Variants in ELK3 observed in about 807,000 individuals in gnomAD.
ELK3 encodes the protein ETS transcription factor ELK3, also known as ETS domain-containing protein Elk-3.
In ELK3, 10 loss-of-function variants were observed where a neutral mutation model predicts 28.9. The ratio of observed to expected loss-of-function variants is 0.35; its 90% CI spans 0.21 to 0.59. The LOEUF is 0.59. Among genes scored for constraint, ELK3 ranks in the 20% least tolerant of loss-of-function variants. ELK3 has a pLI of 0.82. For missense variants in ELK3, 463 were observed against 517.3 expected (o/e 0.90, Z 1.02); for synonymous variants, 272 against 243.5 (o/e 1.12, Z -1.09).
intron 4 of ELK3, among the ~76,000 whole-genome samples, chr12:96,262,782 T>G (rs971856687): frequency 6.6e-6 from 1 of 152,126 alleles, no homozygotes; most frequent in Non-Finnish European, 1.5e-5. Flanking sequence ...AGAATTCAGA[T>G]TACTATCAGC....
chr12:96,257,419 T>C (rs1435950933), intron 3 of ELK3, among the ~76,000 whole-genome samples: 1 of 152,252 alleles, frequency 6.6e-6, no homozygotes, highest in Non-Finnish European at 1.5e-5. Context: ...GAGTACATCC[T>C]GTATTCCTAA....
At chr12:96,245,316 T>C (rs983248833) in intron 2 of ELK3, among the ~76,000 whole-genome samples, 6 of 152,214 alleles carry the variant, frequency 3.9e-5, no homozygotes, top group African/African-American at 1.4e-4. Flanking sequence ...TGGGGGATCT[T>C]TGATTTCTCT....
At chr12:96,263,037 A>C (rs1313884376) in intron 4 of ELK3, among the ~76,000 whole-genome samples, 1 of 152,168 alleles carries the variant, frequency 6.6e-6, no homozygotes, top group East Asian at 1.9e-4. Context: ...ATGAAGGAAG[A>C]AAAAAATAGA....
intron 2 of ELK3, among the ~76,000 whole-genome samples, chr12:96,232,529 T>A (rs1342293460): frequency 6.8e-6 from 1 of 148,080 alleles, no homozygotes; most frequent in Non-Finnish European, 1.5e-5. Context: ...CGAGATCACA[T>A]CACTGCACTG....
At chr12:96,196,073 C>T (rs1372609522) in intron 1 of ELK3, among the ~76,000 whole-genome samples, 3 of 152,138 alleles carry the variant, frequency 2.0e-5, no homozygotes, top group Non-Finnish European at 4.4e-5. Context: ...CTGGCTGCTG[C>T]AGGAAGAGAG....
At chr12:96,241,333 A>T (rs1187733577) in intron 2 of ELK3, among the ~76,000 whole-genome samples, 1 of 152,126 alleles carries the variant, frequency 6.6e-6, no homozygotes, top group Non-Finnish European at 1.5e-5. Flanking sequence ...TGCTTTTTTT[A>T]AATTACAAAA....
At chr12:96,212,764 T>C (rs1951586219) in intron 1 of ELK3, 1 of 152,160 alleles carries the variant, frequency 6.6e-6, no homozygotes, top group Non-Finnish European at 1.5e-5. Flanking sequence ...GAAGACTGCA[T>C]AGTGCACACT....
intron 1 of ELK3, chr12:96,222,959 C>G (rs1592677101): frequency 2.6e-5 from 4 of 154,252 alleles, no homozygotes; most frequent in Admixed American, 1.9e-4. Context: ...AGCAAGAAAG[C>G]GAGGGTCAAG....
In ELK3 at chr12:96,221,983, C is replaced by T. The variant is rs7977265; in HGVS notation, c.-2-1582C>T. Among the ~76,000 whole-genome samples, 459 of 152,166 alleles carry T rather than the reference C, an allele frequency of 3.0e-3. 5 individuals are homozygous for T. The highest frequency in any genetic ancestry group is 0.011 in the African/African-American group (446 of 41,502). ...TCTCCCAGAGCTGCCCCCTGGGTTG[C>T]GGTCACTCCAGGTTCAGTCCCCTGC... On this transcript the variant is annotated intron_variant, in intron 1 of 4. Coordinates refer to ENST00000228741, the MANE Select transcript of ELK3 (RefSeq NM_005230.4).
At chr12:96,232,485 T>G (rs1951748955) in intron 2 of ELK3, among the ~76,000 whole-genome samples, 1 of 148,986 alleles carries the variant, frequency 6.7e-6, no homozygotes, top group African/African-American at 2.5e-5. Flanking sequence ...GCAGGAGAAT[T>G]GCTTGAACCT....
chr12:96,223,888 G>C, intron 2 of ELK3, 115 bp downstream of exon 2: 1 of 1,071,138 alleles, frequency 9.3e-7, no homozygotes, highest in Non-Finnish European at 1.4e-6. Context: ...AATAAAATAG[G>C]GGCAGTGCAT....
Position 96,247,063 on chromosome 12 carries a change from G to C in ELK3, c.331G>C (p.Asp111His), listed in dbSNP as rs371589438. The C allele has an allele frequency of 6.2e-7, 1 of 1,614,060 alleles. No individual in the cohort carries two copies. Among genetic ancestry groups the C allele is most frequent in the Admixed American group, 1.7e-5 (1 of 60,024 alleles). The change falls in exon 3 of 5, where the codon GAC becomes CAC. Residue 111 changes from aspartate to histidine, a missense_variant. Asp to His is a moderately conservative substitution (Grantham distance 81). Coordinates refer to ENST00000228741, the MANE Select transcript of ELK3 (RefSeq NM_005230.4). This position sits in a 1 kb window ranked among gnomAD's most constrained non-coding sequence, Gnocchi z 5.5. ...GGAGAGCCTTCTGCTGCAGGACAGC[G>C]ACTGCAAGGCGTCTCCGGAGGGCCG... ...SRESLLLQDS[D>H]CKASPEGREA...
chr12:96,208,950 C>T lies in ELK3; in HGVS notation c.-3+14245C>T, dbSNP rs184167582. Among the ~76,000 whole-genome samples the T allele has an allele frequency of 2.9e-3, 443 of 152,310 alleles. 10 individuals are homozygous for T. Among genetic ancestry groups the T allele is most frequent in the Admixed American group, 0.026 (399 of 15,302 alleles). ...ATTGCTGCATCAGGACTGGGGTGCC[C>T]AGCACAGCTGTGCAGACTTCCCGGT... On this transcript the variant is annotated intron_variant, in intron 1 of 4. Transcript: ENST00000228741.
intron 1 of ELK3, among the ~76,000 whole-genome samples, chr12:96,214,662 A>G (rs1189931106): frequency 1.3e-5 from 2 of 152,220 alleles, no homozygotes; most frequent in Non-Finnish European, 1.5e-5. Flanking sequence ...AATAATTTAA[A>G]TGTCCTTTGA....
rs1951911893 is a variant in ELK3 at position 96,252,104 on chromosome 12, A to G, written c.1002+4370A>G. Among the ~76,000 whole-genome samples the G allele has an allele frequency of 2.0e-5, 3 of 152,366 alleles. No homozygotes were observed. The South Asian group carries it at 6.2e-4, about 32-fold the overall frequency. Reference sequence around the variant, plus strand: ...ACTTTAAGTTGAAGCCAGTGCTACTAAATACACTCTGCCTGTGCTCTGTAA... The same window carrying G: ...ACTTTAAGTTGAAGCCAGTGCTACTGAATACACTCTGCCTGTGCTCTGTAA... On this transcript the variant is annotated intron_variant, in intron 3 of 4. Transcript: ENST00000228741.
chr12:96,250,737 G>C (rs1420425535), intron 3 of ELK3, among the ~76,000 whole-genome samples: 1 of 152,204 alleles, frequency 6.6e-6, no homozygotes, highest in Non-Finnish European at 1.5e-5. Context: ...GGGGTGTGCT[G>C]TGTGCAGTGT....
rs551200472 is a variant in ELK3, at chr12:96,250,548, G to T, written c.1002+2814G>T. Among the ~76,000 whole-genome samples the T allele has an allele frequency of 3.9e-5, 6 of 152,332 alleles. No homozygotes were observed. In the South Asian group the frequency reaches 1.2e-3, roughly 32 times the overall value. On this transcript the variant is annotated intron_variant, in intron 3 of 4. Transcript: ENST00000228741. ...ACCAGCTCAGTAGTTTGTCTTCCAG[G>T]TGACAGCCAGAAACAGCGTGGCTCT...
intron 2 of ELK3, among the ~76,000 whole-genome samples, chr12:96,242,223 G>T (rs1032346915): frequency 8.1e-4 from 124 of 152,314 alleles, no homozygotes; most frequent in African/African-American, 3.0e-3. Context: ...GCCTAAGTTG[G>T]CCTGAATCTT....
At chr12:96,236,579 T>A (rs1026219373) in intron 2 of ELK3, among the ~76,000 whole-genome samples, 3 of 152,026 alleles carry the variant, frequency 2.0e-5, no homozygotes, top group African/African-American at 7.3e-5. Flanking sequence ...TGGGTGTGAG[T>A]GGGTGTGTAC....
Sources: gnomAD v4.1 joint callset for allele counts (sites outside exome capture counted in the v4.1 genomes callset) on GRCh38, gnomAD v4.1.1 for gene constraint, Gnocchi (gnomAD v3.1) non-coding constraint, MANE v1.5 for transcripts, NCBI Gene and HGNC (gene_info 2026-07-23, HGNC 2026-07-21) for gene names.